The following CNTN5 variants were observed in gnomAD, a reference collection of about 807,000 sequenced individuals.
The protein encoded by CNTN5 is contactin-5.
Under a neutral mutation model 129.1 loss-of-function variants are expected in CNTN5, and 77 were observed. The ratio of observed to expected loss-of-function variants is 0.60; its 90% CI spans 0.50 to 0.72. The LOEUF (loss-of-function observed/expected upper bound fraction) is 0.72, where lower values mean the gene tolerates loss of function less well. CNTN5 is among the 30% of genes least tolerant of loss of function. CNTN5 has a pLI of 0.00. For missense variants in CNTN5, 1,478 were observed against 1,328.8 expected (o/e 1.11, Z -1.75); for synonymous variants, 509 against 465.6 (o/e 1.09, Z -1.20).
intron 1 of CNTN5, among the ~76,000 whole-genome samples, chr11:99,061,308 G>C (rs954392708): frequency 1.3e-5 from 2 of 152,044 alleles, no homozygotes; most frequent in African/African-American, 4.8e-5. Flanking sequence ...CATATTTCAT[G>C]CAAAGACTGA....
At chr11:100,248,658 T>C (rs1479469057) in intron 16 of CNTN5, among the ~76,000 whole-genome samples, 7 of 152,200 alleles carry the variant, frequency 4.6e-5, no homozygotes, top group Non-Finnish European at 1.0e-4. Context: ...TAGGTGTATT[T>C]GTTGAATCAG....
At position 100,010,365 on chromosome 11, in the gene CNTN5, A is replaced by G. The variant is rs183106131; in HGVS notation, c.980+8229A>G. ...GAATTAATAAAAATTAGAACCTCAG[A>G]TGTACCCCTAGGACCAAGAATTCTG... On this transcript the variant is annotated intron_variant, in intron 9 of 24. Transcript: ENST00000524871. 4.6e-5 allele frequency among the ~76,000 whole-genome samples: 7 copies of G among 152,214 alleles called. No homozygotes were observed. The East Asian group carries it at 1.4e-3, about 29-fold the overall frequency.
intron 3 of CNTN5, among the ~76,000 whole-genome samples, chr11:99,622,073 C>T (rs566836119): frequency 2.6e-5 from 4 of 152,282 alleles, no homozygotes; most frequent in Admixed American, 6.5e-5. Flanking sequence ...TTACACCTCC[C>T]CATACCAAGG....
intron 21 of CNTN5, among the ~76,000 whole-genome samples, chr11:100,310,374 A>G (rs75108741): frequency 0.014 from 2,140 of 151,992 alleles, 50 homozygotes; most frequent in African/African-American, 0.048. Flanking sequence ...CACTCAGATA[A>G]CCATTATGAT....
At chr11:99,900,081 A>T (rs1378597691) in intron 6 of CNTN5, among the ~76,000 whole-genome samples, 2 of 151,458 alleles carry the variant, frequency 1.3e-5, no homozygotes, top group Admixed American at 1.3e-4. Context: ...TTCTGATTCT[A>T]CTTATTTGAG....
intron 18 of CNTN5, among the ~76,000 whole-genome samples, chr11:100,289,858 A>T (rs1432962839): frequency 1.3e-5 from 2 of 149,520 alleles, no homozygotes; most frequent in East Asian, 3.9e-4. Context: ...TATCTAGAAA[A>T]CCCCATTGTC....
At chr11:99,873,611 G>C (rs1240350324) in intron 6 of CNTN5, among the ~76,000 whole-genome samples, 1 of 152,034 alleles carries the variant, frequency 6.6e-6, no homozygotes, top group Non-Finnish European at 1.5e-5. Flanking sequence ...ATACACTGTT[G>C]GTAGGAATGT....
At chr11:100,247,548 G>T (rs1011964525) in intron 16 of CNTN5, among the ~76,000 whole-genome samples, 5 of 152,014 alleles carry the variant, frequency 3.3e-5, no homozygotes, top group African/African-American at 9.7e-5. Context: ...CTGAGGAGAA[G>T]GTAAAGAAGG....
intron 2 of CNTN5, among the ~76,000 whole-genome samples, chr11:99,415,249 G>A (rs1160848235): frequency 2.6e-5 from 4 of 152,094 alleles, no homozygotes; most frequent in Non-Finnish European, 5.9e-5. Context: ...AAAGGTACAT[G>A]GGAAGCCATC....
intron 18 of CNTN5, among the ~76,000 whole-genome samples, chr11:100,287,037 G>A (rs548951297): frequency 0.036 from 5,498 of 151,960 alleles, 349 homozygotes; most frequent in African/African-American, 0.13. Flanking sequence ...GAAATGAAGC[G>A]AGAAGGGAAG....
At chr11:100,268,614 T>A (rs530717234) in intron 17 of CNTN5, among the ~76,000 whole-genome samples, 1 of 152,158 alleles carries the variant, frequency 6.6e-6, no homozygotes, top group African/African-American at 2.4e-5. Context: ...ATTGGTAACC[T>A]TGACAATAGC....
intron 2 of CNTN5, among the ~76,000 whole-genome samples, chr11:99,375,565 A>G (rs1940130398): frequency 6.6e-6 from 1 of 152,290 alleles, no homozygotes; most frequent in East Asian, 1.9e-4. Context: ...TGCAACAAAT[A>G]TCCCTAAATA....
At chr11:99,741,134 G>A (rs897677307) in intron 3 of CNTN5, among the ~76,000 whole-genome samples, 5 of 152,198 alleles carry the variant, frequency 3.3e-5, no homozygotes, top group Non-Finnish European at 7.4e-5. Flanking sequence ...GAATCAGCAA[G>A]GCAGGTATTC....
intron 9 of CNTN5, among the ~76,000 whole-genome samples, chr11:100,037,348 T>A (rs1942080434): frequency 6.6e-6 from 1 of 152,006 alleles, no homozygotes; most frequent in Non-Finnish European, 1.5e-5. Flanking sequence ...AGCTTTTTGA[T>A]GTGCTGCTGG....
At chr11:99,709,182 G>T (rs1366275052) in intron 3 of CNTN5, among the ~76,000 whole-genome samples, 1 of 151,822 alleles carries the variant, frequency 6.6e-6, no homozygotes, top group African/African-American at 2.4e-5. Flanking sequence ...AATGTTCCCT[G>T]TGAATTCCTT....
intron 6 of CNTN5, among the ~76,000 whole-genome samples, chr11:99,912,954 C>T (rs1412617434): frequency 6.6e-6 from 1 of 151,830 alleles, no homozygotes; most frequent in Non-Finnish European, 1.5e-5. Context: ...CCTTTTATTC[C>T]TGTAAAGGTA....
At chr11:99,225,889 C>T (rs956409469) in intron 1 of CNTN5, among the ~76,000 whole-genome samples, 6 of 152,058 alleles carry the variant, frequency 3.9e-5, no homozygotes, top group Non-Finnish European at 8.8e-5. Context: ...AGTCTTTGTT[C>T]TACAGTTAAA....
At chr11:99,863,769 G>A (rs531831364) in intron 6 of CNTN5, among the ~76,000 whole-genome samples, 2 of 152,278 alleles carry the variant, frequency 1.3e-5, no homozygotes, top group African/African-American at 4.8e-5. Context: ...ATATTAAGAA[G>A]CGTTTTCCTA....
intron 3 of CNTN5, among the ~76,000 whole-genome samples, chr11:99,666,745 A>G (rs1045427548): frequency 6.6e-5 from 10 of 152,174 alleles, no homozygotes; most frequent in African/African-American, 2.4e-4. Flanking sequence ...AAGCAGCAGA[A>G]ACCAGGGCAT....
Sources: allele counts gnomAD v4.1 joint callset (sites outside exome capture counted in the v4.1 genomes callset), GRCh38; gene constraint gnomAD v4.1.1; transcripts MANE v1.5; gene names NCBI Gene and HGNC (gene_info 2026-07-23, HGNC 2026-07-21).